The following DIAPH1 variants were observed in gnomAD, a reference collection of about 807,000 sequenced individuals.
DIAPH1 encodes the protein protein diaphanous homolog 1.
In DIAPH1, 46 loss-of-function variants were observed where a neutral mutation model predicts 140.7. The observed-to-expected ratio is 0.33, with a 90% confidence interval of 0.26 to 0.42. The LOEUF is 0.42. Among genes scored for constraint, DIAPH1 ranks in the 10% least tolerant of loss-of-function variants. The pLI is 1.00. For missense variants in DIAPH1, 1,310 were observed against 1,558.7 expected (o/e 0.84, Z 2.69); for synonymous variants, 565 against 551.6 (o/e 1.02, Z -0.34).
chr5:141,574,136 C>G lies in DIAPH1; in HGVS notation c.1714G>C (p.Val572Leu). 1 of 1,614,042 alleles carries G rather than the reference C, an allele frequency of 6.2e-7. No homozygotes were observed. Among genetic ancestry groups the G allele is most frequent in the Non-Finnish European group, 8.5e-7 (1 of 1,180,004 alleles). ...GCACGACTAGGAACAGAAGGAGGTA[C>G]AGTAATAGCTGCCGCAGAGAGGGAA... is the stretch of plus-strand genomic sequence containing the variant. Reference protein sequence around the residue: ...MASLSAAAITVPPSVPSRAPV... With the variant: ...MASLSAAAITLPPSVPSRAPV... Residue 572 changes from valine to leucine, a missense_variant, in exon 16 of 28, where the codon GTA (valine) becomes CTA (leucine). Around this residue, in one of 3 missense-constraint regions of DIAPH1, gnomAD observed 589 missense variants for 549.3 expected, o/e 1.07. Transcript: ENST00000389054.
chr5:141,579,260 G>A (rs1315660900), intron 8 of DIAPH1, 64 bp from the exon 9 acceptor site: 2 of 1,199,052 alleles, frequency 1.7e-6, no homozygotes, highest in African/African-American at 3.0e-5. Flanking sequence ...CGTATAATGA[G>A]TAAATTACAC....
intron 9 of DIAPH1, 91 bp from the exon 10 acceptor site, chr5:141,578,716 C>A: frequency 1.0e-6 from 1 of 958,416 alleles, no homozygotes. Context: ...GTCCCCAATA[C>A]AACCTGAAAG....
intron 1 of DIAPH1, chr5:141,618,320 G>A (rs2099903021): frequency 6.5e-6 from 1 of 153,060 alleles, no homozygotes; most frequent in Non-Finnish European, 1.5e-5. Context: ...GACTGGGCGG[G>A]AGGAAAGTTA....
chr5:141,597,818 C>G (rs1259448712), intron 1 of DIAPH1, among the ~76,000 whole-genome samples: 1 of 152,218 alleles, frequency 6.6e-6, no homozygotes, highest in Non-Finnish European at 1.5e-5. Flanking sequence ...CTTCTCTGCT[C>G]TACTACCTGG....
Position 141,593,337 on chromosome 5 carries a change from G to A in DIAPH1, c.118-5087C>T, listed in dbSNP as rs192226328. 6.1e-3 allele frequency among the ~76,000 whole-genome samples: 923 copies of A among 152,240 alleles called. 7 individuals carry two copies. Among genetic ancestry groups the A allele is most frequent in the Non-Finnish European group, 0.01 (688 of 68,012 alleles). On this transcript the variant is annotated intron_variant, in intron 1 of 27. Transcript: ENST00000389054. ...GGTCTGGAAGTTTGTTCTCAGAAGA[G>A]GGTAAAACGGAGGGTCTCTGGATTG...
Position 141,519,994 on chromosome 5 carries a change from T to G in DIAPH1, c.3662-2986A>C, listed in dbSNP as rs2099886265. On this transcript the variant is annotated intron_variant, in intron 27 of 27. Coordinates refer to ENST00000389054, the MANE Select transcript of DIAPH1 (RefSeq NM_005219.5). ...CTCTCTGAGGACAGATTCCTAGAAG[T>G]TAGGGGTGGGCTAGGATAAAAACAC... is the stretch of plus-strand genomic sequence containing the variant. Among the ~76,000 whole-genome samples, 3 of 152,150 alleles carry G rather than the reference T, an allele frequency of 2.0e-5. No individual in the cohort carries two copies. The South Asian group carries it at 6.2e-4, about 32-fold the overall frequency.
intron 18 of DIAPH1, among the ~76,000 whole-genome samples, chr5:141,551,527 C>G (rs749888711): frequency 6.6e-6 from 1 of 152,072 alleles, no homozygotes; most frequent in Non-Finnish European, 1.5e-5. Flanking sequence ...ATAAATAACA[C>G]ACACAGAGAG....
At chr5:141,587,778 C>T (rs575935894) in intron 2 of DIAPH1, among the ~76,000 whole-genome samples, 4 of 152,288 alleles carry the variant, frequency 2.6e-5, no homozygotes, top group African/African-American at 7.2e-5. Context: ...CATGACATCT[C>T]GTCAGCAAAG....
At chr5:141,535,225 C>T (rs1368119137) in intron 18 of DIAPH1, among the ~76,000 whole-genome samples, 1 of 152,188 alleles carries the variant, frequency 6.6e-6, no homozygotes, top group East Asian at 1.9e-4. Flanking sequence ...GCTAGGAGTA[C>T]AGGCATGAGC....
rs1311979036 is a variant in DIAPH1 at position 141,587,208 on chromosome 5, G to GA, written c.145-12dup. On this transcript the variant is annotated splice_polypyrimidine_tract_variant and intron_variant, in intron 2 of 27. Transcript: ENST00000389054. Reference sequence around the variant, plus strand: ...GGTAAATCTCTCCAGCTGAGAAACAGAAAAAAGCATTAGCAGTGATCCATT... The same window carrying GA: ...GGTAAATCTCTCCAGCTGAGAAACAGAAAAAAAGCATTAGCAGTGATCCATT... 8.7e-6 allele frequency: 14 copies of GA among 1,613,426 alleles called. No individual in the cohort carries two copies. The East Asian group carries it at 2.2e-4, about 26-fold the overall frequency.
chr5:141,551,894 T>A (rs1413185481), intron 18 of DIAPH1, among the ~76,000 whole-genome samples: 2 of 152,336 alleles, frequency 1.3e-5, no homozygotes, highest in Non-Finnish European at 1.5e-5. Flanking sequence ...TTGGCAATAT[T>A]CTGAGCCCTA....
At position 141,554,214 on chromosome 5, in the gene DIAPH1, T is replaced by C. The variant is rs375655199; in HGVS notation, c.2482+17214A>G. 2.6e-5 allele frequency among the ~76,000 whole-genome samples: 4 copies of C among 152,146 alleles called. No homozygotes were observed. In the East Asian group the frequency reaches 5.8e-4, roughly 22 times the overall value. ...ATCGCTTGAACCTGAGAGGCAGAGG[T>C]TGCAGTGAGCCGAGATTGTGCCACC... On this transcript the variant is annotated intron_variant, in intron 18 of 27. Transcript: ENST00000389054.
intron 18 of DIAPH1, among the ~76,000 whole-genome samples, chr5:141,567,007 C>T (rs1369646061): frequency 6.6e-6 from 1 of 152,140 alleles, no homozygotes; most frequent in Non-Finnish European, 1.5e-5. Flanking sequence ...AAAGGTTTTG[C>T]CAGTAATGGA....
At chr5:141,554,010 G>A (rs1239812307) in intron 18 of DIAPH1, among the ~76,000 whole-genome samples, 3 of 152,166 alleles carry the variant, frequency 2.0e-5, no homozygotes, top group Non-Finnish European at 2.9e-5. Context: ...AGGGCGCGGT[G>A]GCTCATGCCT....
chr5:141,533,737 A>G (rs777559435), intron 19 of DIAPH1, among the ~76,000 whole-genome samples: 1 of 152,146 alleles, frequency 6.6e-6, no homozygotes, highest in Non-Finnish European at 1.5e-5. Flanking sequence ...TGGCTAGACC[A>G]TCTGTGGTAG....
intron 3 of DIAPH1, 46 bp downstream of exon 3, chr5:141,586,996 C>G (rs780956929): frequency 1.9e-6 from 3 of 1,608,456 alleles, no homozygotes; most frequent in Middle Eastern, 1.7e-4. Flanking sequence ...CCACCATGTC[C>G]ATAAATGCAC....
At chr5:141,553,205 T>C (rs1423881594) in intron 18 of DIAPH1, among the ~76,000 whole-genome samples, 3 of 152,058 alleles carry the variant, frequency 2.0e-5, no homozygotes, top group Non-Finnish European at 2.9e-5. Context: ...GGCAGAAGAA[T>C]TGCTTGAACC....
chr5:141,527,796 A>T, intron 23 of DIAPH1, 99 bp from the exon 24 acceptor site: 1 of 1,379,894 alleles, frequency 7.2e-7, no homozygotes, highest in Non-Finnish European at 9.8e-7. Flanking sequence ...TTCAGAGCAT[A>T]GCTTCAGTCT....
In DIAPH1 at chr5:141,607,669, T is replaced by G. The variant is rs529193808; in HGVS notation, c.117+11129A>C. Among the ~76,000 whole-genome samples, 25 of 152,354 alleles carry G rather than the reference T, an allele frequency of 1.6e-4. No homozygotes were observed. The South Asian group carries it at 5.2e-3, about 32-fold the overall frequency. On this transcript the variant is annotated intron_variant, in intron 1 of 27. Coordinates refer to ENST00000389054, the MANE Select transcript of DIAPH1 (RefSeq NM_005219.5). ...ATAATTTCTATGAAGTGGCTTTACC[T>G]TTCTTAAATGGTTCTACTAAACCTC... is the stretch of plus-strand genomic sequence containing the variant.
Sources: allele counts gnomAD v4.1 joint callset (sites outside exome capture counted in the v4.1 genomes callset), GRCh38; gene constraint gnomAD v4.1.1; regional missense constraint gnomAD v4.1.1; transcripts MANE v1.5; gene names NCBI Gene and HGNC (gene_info 2026-07-23, HGNC 2026-07-21).